Variants in TNKS observed in about 807,000 individuals in gnomAD.
The protein encoded by TNKS is poly [ADP-ribose] polymerase tankyrase-1.
A neutral mutation model predicts 135.8 loss-of-function variants in TNKS; 72 were observed. The ratio of observed to expected loss-of-function variants is 0.53; its 90% CI spans 0.44 to 0.64. The LOEUF (loss-of-function observed/expected upper bound fraction) is 0.64, where lower values mean the gene tolerates loss of function less well. TNKS is among the 30% of genes least tolerant of loss of function. TNKS has a pLI of 0.00. For synonymous variants in TNKS, 849 were observed against 649.3 expected (o/e 1.31, Z -4.68); for missense variants, 1,769 against 1,674.0 (o/e 1.06, Z -0.99).
chr8:9,652,224 G>C (rs1167477728), intron 3 of TNKS, among the ~76,000 whole-genome samples: 1 of 152,108 alleles, frequency 6.6e-6, no homozygotes, highest in Admixed American at 6.5e-5. Flanking sequence ...CTTTCTTTTG[G>C]AGTGAGGTTC....
chr8:9,770,286 T>G, intron 26 of TNKS, 24 bp downstream of exon 26: 1 of 1,594,076 alleles, frequency 6.3e-7, no homozygotes. Context: ...CAAACAAGCA[T>G]AACCAAGTTC....
chr8:9,657,773 A>C (rs1316412529), intron 3 of TNKS, among the ~76,000 whole-genome samples: 7 of 78,558 alleles, frequency 8.9e-5, no homozygotes, highest in African/African-American at 3.6e-4. Flanking sequence ...CTGGCCGGGC[A>C]GGGGGCTGAC....
chr8:9,594,971 C>T (rs567161604), intron 2 of TNKS, among the ~76,000 whole-genome samples: 2 of 152,138 alleles, frequency 1.3e-5, no homozygotes, highest in Non-Finnish European at 2.9e-5. Context: ...TTTCTCACAC[C>T]TTCTTTACTG....
At chr8:9,568,578 T>C (rs1232720857) in intron 1 of TNKS, among the ~76,000 whole-genome samples, 4 of 152,200 alleles carry the variant, frequency 2.6e-5, no homozygotes, top group African/African-American at 9.7e-5. Context: ...GAAAAGAAGC[T>C]ATTTTCTAAA....
At chr8:9,665,794 C>T (rs1801957688) in intron 3 of TNKS, among the ~76,000 whole-genome samples, 1 of 152,130 alleles carries the variant, frequency 6.6e-6, no homozygotes, top group South Asian at 2.1e-4. Flanking sequence ...ATTATTATTG[C>T]ATGCACCTTT....
intron 3 of TNKS, among the ~76,000 whole-genome samples, chr8:9,635,877 A>T (rs968404714): frequency 2.0e-5 from 3 of 152,222 alleles, no homozygotes; most frequent in Non-Finnish European, 4.4e-5. Flanking sequence ...AGACATGACA[A>T]CTAAATGCAA....
chr8:9,742,763 T>G (rs938426681), intron 17 of TNKS, among the ~76,000 whole-genome samples: 5 of 149,196 alleles, frequency 3.4e-5, no homozygotes, highest in African/African-American at 1.2e-4. Context: ...TAAGAAGTAT[T>G]TATTAGTACT....
chr8:9,683,318 A>G (rs571099094), intron 5 of TNKS, among the ~76,000 whole-genome samples: 2 of 152,008 alleles, frequency 1.3e-5, no homozygotes, highest in Admixed American at 6.6e-5. Flanking sequence ...GTCCTAGTAG[A>G]TATGTAGTCC....
intron 3 of TNKS, among the ~76,000 whole-genome samples, chr8:9,665,916 C>T (rs190904925): frequency 6.6e-6 from 1 of 152,194 alleles, no homozygotes; most frequent in African/African-American, 2.4e-5. Flanking sequence ...TTTCCCCTCC[C>T]TAACCTCATT....
chr8:9,710,818 C>T (rs1804292245), intron 11 of TNKS, among the ~76,000 whole-genome samples: 1 of 152,084 alleles, frequency 6.6e-6, no homozygotes. Flanking sequence ...ATGGCATGAA[C>T]CTGGGAGGCG....
chr8:9,750,748 CAATT>C (rs1480871104), intron 18 of TNKS, among the ~76,000 whole-genome samples: 5 of 152,208 alleles, frequency 3.3e-5, no homozygotes, highest in African/African-American at 1.2e-4. Context: ...TTTAACGTGA[CAATT>C]TATTATTTCT....
At chr8:9,660,163 G>C (rs906976686) in intron 3 of TNKS, among the ~76,000 whole-genome samples, 1 of 152,216 alleles carries the variant, frequency 6.6e-6, no homozygotes, top group African/African-American at 2.4e-5. Flanking sequence ...GAGGTACAAG[G>C]AGGAGCTGGT....
At position 9,781,574 on chromosome 8, in the gene TNKS, G is replaced by C. The variant is rs183827189; in HGVS notation, c.*4838G>C. 3 of 152,426 alleles carry C rather than the reference G, an allele frequency of 2.0e-5. No individual in the cohort carries two copies. Among genetic ancestry groups the C allele is most frequent in the African/African-American group, 7.2e-5 (3 of 41,430 alleles). 9.4% of individuals were successfully genotyped at this position (152,426 alleles called of 1,614,324 possible). A position where few individuals can be genotyped will look rare whatever the true frequency, so the allele number is the denominator to read the frequency against. On this transcript the variant is annotated 3_prime_UTR_variant, in exon 27 of 27. Coordinates refer to ENST00000310430, the MANE Select transcript of TNKS (RefSeq NM_003747.3). ...AACTCTTCATGTGCATATAACACCT[G>C]CTTCTGCTCCCATTGTTTCAAGCTC... is the stretch of plus-strand genomic sequence containing the variant.
At chr8:9,753,059 A>G (rs1806635643) in intron 20 of TNKS, among the ~76,000 whole-genome samples, 1 of 151,934 alleles carries the variant, frequency 6.6e-6, no homozygotes, top group African/African-American at 2.4e-5. Flanking sequence ...ACACATTTCT[A>G]TAAGAAGCCA....
chr8:9,635,262 A>T (rs543682879), intron 3 of TNKS, among the ~76,000 whole-genome samples: 3 of 152,214 alleles, frequency 2.0e-5, no homozygotes, highest in African/African-American at 7.2e-5. Flanking sequence ...GGGGCTCCCA[A>T]TGAACATATC....
intron 1 of TNKS, among the ~76,000 whole-genome samples, chr8:9,565,169 G>C (rs182104815): frequency 3.2e-4 from 49 of 152,290 alleles, no homozygotes; most frequent in Middle Eastern, 3.4e-3. Context: ...TGTTTTGCCA[G>C]TTTGTTCAGG....
chr8:9,585,233 G>C (rs148514402), intron 2 of TNKS, among the ~76,000 whole-genome samples: 1 of 151,996 alleles, frequency 6.6e-6, no homozygotes, highest in Non-Finnish European at 1.5e-5. Flanking sequence ...GGAAGCTTAC[G>C]TGTGAGATGT....
intron 3 of TNKS, among the ~76,000 whole-genome samples, chr8:9,661,599 A>C (rs1356616160): frequency 6.6e-6 from 1 of 152,216 alleles, no homozygotes; most frequent in Non-Finnish European, 1.5e-5. Context: ...TGGATTAAAG[A>C]CTTAAATGTT....
chr8:9,576,836 T>A (rs1470676523), intron 1 of TNKS, among the ~76,000 whole-genome samples: 1 of 152,050 alleles, frequency 6.6e-6, no homozygotes, highest in African/African-American at 2.4e-5. Flanking sequence ...TGTGAATATA[T>A]GAAATATATT....
Sources: allele counts gnomAD v4.1 joint callset (sites outside exome capture counted in the v4.1 genomes callset), GRCh38; gene constraint gnomAD v4.1.1; transcripts MANE v1.5; gene names NCBI Gene and HGNC (gene_info 2026-07-23, HGNC 2026-07-21).